The following GRIP1 variants were observed in gnomAD, a reference collection of about 807,000 sequenced individuals.
The protein encoded by GRIP1 is glutamate receptor-interacting protein 1.
GRIP1 carries 45 observed loss-of-function variants against 129.9 expected under a neutral mutation model. The observed-to-expected ratio is 0.35, with a 90% CI of 0.27 to 0.44. GRIP1 has a LOEUF of 0.44. Among genes scored for constraint, GRIP1 ranks in the 20% least tolerant of loss-of-function variants. The pLI, the probability that GRIP1 is intolerant of heterozygous loss-of-function variation, is 1.00. For missense variants in GRIP1, 1,196 were observed against 1,396.8 expected (o/e 0.86, Z 2.29); for synonymous variants, 530 against 520.8 (o/e 1.02, Z -0.24).
chr12:66,584,615 G>C (rs2063542197), intron 2 of GRIP1, among the ~76,000 whole-genome samples: 1 of 152,044 alleles, frequency 6.6e-6, no homozygotes, highest in Non-Finnish European at 1.5e-5. Context: ...AGTTAGAGGA[G>C]AGAACCCAGT....
chr12:66,549,994 C>A (rs2062072723), intron 2 of GRIP1, among the ~76,000 whole-genome samples: 1 of 152,068 alleles, frequency 6.6e-6, no homozygotes, highest in Non-Finnish European at 1.5e-5. Context: ...ATAGATTGAA[C>A]AGAGATGTTG....
intron 1 of GRIP1, among the ~76,000 whole-genome samples, chr12:66,667,886 C>T (rs760467882): frequency 1.3e-5 from 2 of 152,182 alleles, no homozygotes; most frequent in Non-Finnish European, 2.9e-5. Context: ...AAAAACCACA[C>T]AAGTTTGAAG....
chr12:66,421,250 G>A (rs2057791711), intron 14 of GRIP1, among the ~76,000 whole-genome samples: 2 of 152,106 alleles, frequency 1.3e-5, no homozygotes, highest in Non-Finnish European at 2.9e-5. Context: ...CTGATTTAAA[G>A]TTCTTTTTTT....
intron 7 of GRIP1, among the ~76,000 whole-genome samples, chr12:66,514,945 T>C (rs2060800744): frequency 6.6e-6 from 1 of 152,132 alleles, no homozygotes; most frequent in Non-Finnish European, 1.5e-5. Flanking sequence ...CAATTCATTC[T>C]CTTATAATTT....
At chr12:66,628,936 G>A (rs2030421377) in intron 1 of GRIP1, among the ~76,000 whole-genome samples, 1 of 152,184 alleles carries the variant, frequency 6.6e-6, no homozygotes, top group South Asian at 2.1e-4. Context: ...CAGGGACTAA[G>A]TCTGTTTTGC....
chr12:66,495,407 T>C (rs1345761369), intron 7 of GRIP1, among the ~76,000 whole-genome samples: 2 of 152,176 alleles, frequency 1.3e-5, no homozygotes, highest in African/African-American at 2.4e-5. Flanking sequence ...GTGTTGTGAA[T>C]TATTTCAATA....
intron 1 of GRIP1, among the ~76,000 whole-genome samples, chr12:66,995,046 AT>A (rs1227386264): frequency 6.6e-6 from 1 of 152,094 alleles, no homozygotes; most frequent in African/African-American, 2.4e-5. Context: ...CCTTACGTTT[AT>A]GATAAATTTA....
chr12:66,891,099 T>C (rs960866173), intron 1 of GRIP1, among the ~76,000 whole-genome samples: 4 of 152,214 alleles, frequency 2.6e-5, no homozygotes, highest in African/African-American at 9.6e-5. Flanking sequence ...AATAAGGAAT[T>C]TGTCTTAATG....
chr12:66,374,548 G>A (rs571826894), intron 22 of GRIP1, among the ~76,000 whole-genome samples: 17 of 152,142 alleles, frequency 1.1e-4, no homozygotes, highest in Admixed American at 4.6e-4. Flanking sequence ...TTGCCATGCT[G>A]ACCATCCATT....
chr12:66,924,041 C>T (rs1385528919), intron 1 of GRIP1, among the ~76,000 whole-genome samples: 7 of 151,984 alleles, frequency 4.6e-5, no homozygotes, highest in Admixed American at 2.0e-4. Context: ...TGTGGGGTTT[C>T]GCCATGTTGG....
intron 1 of GRIP1, among the ~76,000 whole-genome samples, chr12:66,735,194 T>G (rs997038992): frequency 2.0e-5 from 3 of 152,164 alleles, no homozygotes; most frequent in Non-Finnish European, 2.9e-5. Flanking sequence ...TTGTTCTGGA[T>G]TGTGTGCAAA....
chr12:66,658,951 C>A (rs889819151), intron 1 of GRIP1, among the ~76,000 whole-genome samples: 2 of 151,366 alleles, frequency 1.3e-5, no homozygotes, highest in African/African-American at 4.9e-5. Context: ...AAAACAAAAA[C>A]AAACGAACAA....
intron 1 of GRIP1, among the ~76,000 whole-genome samples, chr12:66,861,542 C>T (rs917370739): frequency 2.0e-5 from 3 of 152,048 alleles, no homozygotes; most frequent in Admixed American, 1.3e-4. Flanking sequence ...TATAGAGATA[C>T]GCATATTGCT....
chr12:66,778,423 A>G (rs947672364), intron 1 of GRIP1, among the ~76,000 whole-genome samples: 8 of 152,194 alleles, frequency 5.3e-5, no homozygotes, highest in Admixed American at 2.6e-4. Context: ...ATCCCCTACA[A>G]TATTATAGTG....
At chr12:66,693,263 G>C (rs183671846) in intron 1 of GRIP1, among the ~76,000 whole-genome samples, 1 of 152,254 alleles carries the variant, frequency 6.6e-6, no homozygotes, top group Non-Finnish European at 1.5e-5. Flanking sequence ...GCTATGTTTA[G>C]AAATGTTTTA....
chr12:66,538,913 G>A (rs1056148361), intron 4 of GRIP1, among the ~76,000 whole-genome samples, 165 bp downstream of exon 4: 6 of 152,074 alleles, frequency 3.9e-5, no homozygotes, highest in Non-Finnish European at 5.9e-5. Flanking sequence ...AGTTATTGTT[G>A]TCAATGTCTT....
At chr12:66,940,237 C>T (rs2041562545) in intron 1 of GRIP1, among the ~76,000 whole-genome samples, 1 of 152,098 alleles carries the variant, frequency 6.6e-6, no homozygotes, top group Non-Finnish European at 1.5e-5. Flanking sequence ...CATCACACTC[C>T]TATTGCTTAT....
intron 1 of GRIP1, among the ~76,000 whole-genome samples, chr12:66,606,526 T>G (rs1246852487): frequency 6.6e-6 from 1 of 152,176 alleles, no homozygotes; most frequent in Admixed American, 6.6e-5. Context: ...TAATTAGAGC[T>G]AATACTTACA....
At chr12:66,790,457 A>C (rs2038495012) in intron 1 of GRIP1, among the ~76,000 whole-genome samples, 1 of 152,164 alleles carries the variant, frequency 6.6e-6, no homozygotes, top group Admixed American at 6.6e-5. Context: ...GAAATCCACT[A>C]TTCTAGTTGT....
Sources: gnomAD v4.1 joint callset for allele counts (sites outside exome capture counted in the v4.1 genomes callset) on GRCh38, gnomAD v4.1.1 for gene constraint, MANE v1.5 for transcripts, NCBI Gene and HGNC (gene_info 2026-07-23, HGNC 2026-07-21) for gene names.